The following FARP2 variants were observed in gnomAD, a reference collection of about 807,000 sequenced individuals.
FARP2 encodes FERM, ARH/RhoGEF and pleckstrin domain protein 2.
In FARP2, 111 loss-of-function variants were observed where a neutral mutation model predicts 130.5. That is an observed-to-expected ratio of 0.85 (90% CI 0.73 to 1.00). FARP2 has a LOEUF of 1.00. FARP2 is among the 50% of genes least tolerant of loss of function. The probability of loss-of-function intolerance (pLI) is 0.00; values close to 1 mark genes in which losing one functional copy is unlikely to be tolerated. For missense variants in FARP2, 1,385 were observed against 1,346.3 expected, an observed-to-expected ratio of 1.03 and a Z score of -0.45; for synonymous variants, 504 against 516.9, an observed-to-expected ratio of 0.98 and a Z score of 0.34.
rs904789357 is a variant in FARP2, at chr2:241,465,475, G to T, written c.1893+1495G>T. On this transcript the variant is annotated intron_variant, in intron 17 of 26. Coordinates refer to ENST00000264042, the MANE Select transcript of FARP2 (RefSeq NM_014808.4). ...TTTCTTTCAGGTGTTCCAGCTCCAC[G>T]AAGGGCATGTAGCAGGGGTCACAAA... 3 of 1,550,544 alleles carry T rather than the reference G, an allele frequency of 1.9e-6. No individual in the cohort carries two copies. The Admixed American group carries it at 5.9e-5, about 30-fold the overall frequency.
intron 14 of FARP2, 62 bp from the exon 15 acceptor site, chr2:241,462,461 C>A: frequency 8.3e-7 from 1 of 1,207,452 alleles, no homozygotes; most frequent in Non-Finnish European, 1.2e-6. Flanking sequence ...CTTCAGGCTC[C>A]CTGAGCGTGG....
intron 2 of FARP2, 93 bp downstream of exon 2, chr2:241,373,383 ATT>A: frequency 1.2e-6 from 1 of 832,290 alleles, no homozygotes; most frequent in Non-Finnish European, 1.7e-6. Flanking sequence ...GACTTTGCAT[ATT>A]AAGTTGATCA....
intron 13 of FARP2, among the ~76,000 whole-genome samples, chr2:241,450,495 G>C (rs577981293): frequency 6.6e-6 from 1 of 151,440 alleles, no homozygotes. Context: ...GTGAAACCCC[G>C]TCTCTACTAA....
In FARP2 at chr2:241,475,059, A is replaced by T. The variant is rs1476154796; in HGVS notation, c.2132-798A>T. Among the ~76,000 whole-genome samples the T allele has an allele frequency of 6.6e-6, 1 of 152,200 alleles. No individual in the cohort carries two copies. Among genetic ancestry groups the T allele is most frequent in the African/African-American group, 2.4e-5 (1 of 41,434 alleles). On this transcript the variant is annotated intron_variant, in intron 18 of 26. Transcript: ENST00000264042. This position sits in a 1 kb window ranked among gnomAD's most constrained non-coding sequence, Gnocchi z 4.4. Reference sequence around the variant, plus strand: ...CTCTTATCTTTGCTTGAACTATAAGATTAGCATCTGTTCCTGGTTAAAAGA... The same window carrying T: ...CTCTTATCTTTGCTTGAACTATAAGTTTAGCATCTGTTCCTGGTTAAAAGA...
At chr2:241,415,118 G>A (rs1325492962) in intron 7 of FARP2, among the ~76,000 whole-genome samples, 1 of 152,240 alleles carries the variant, frequency 6.6e-6, no homozygotes, top group Non-Finnish European at 1.5e-5. Context: ...ACATGACGGT[G>A]TGGGGCATCT....
chr2:241,398,703 G>T (rs1385727419), intron 2 of FARP2, among the ~76,000 whole-genome samples: 3 of 151,890 alleles, frequency 2.0e-5, no homozygotes, highest in Admixed American at 2.0e-4. Flanking sequence ...CCAAGTAGCT[G>T]GGATTACAGG....
At chr2:241,377,493 C>T (rs2061566071) in intron 2 of FARP2, among the ~76,000 whole-genome samples, 1 of 152,148 alleles carries the variant, frequency 6.6e-6, no homozygotes, top group African/African-American at 2.4e-5. Context: ...AGGCGCCCGC[C>T]ACCGCGCCTG....
chr2:241,366,320 A>G (rs1405992396), intron 1 of FARP2, among the ~76,000 whole-genome samples: 1 of 151,618 alleles, frequency 6.6e-6, no homozygotes, highest in Non-Finnish European at 1.5e-5. Flanking sequence ...GTTGAGAATC[A>G]GTTATCCAGA....
At chr2:241,481,330 C>T (rs1166112961) in intron 19 of FARP2, among the ~76,000 whole-genome samples, 1 of 152,182 alleles carries the variant, frequency 6.6e-6, no homozygotes, top group Non-Finnish European at 1.5e-5. Context: ...GTCACTAGTA[C>T]TTTTTGCTTT....
rs532981810 is a variant in FARP2, at chr2:241,423,907, A to G, written c.771+5798A>G. ...GTAAAGGGTTCAACAAGAAGAGCTA[A>G]TTATCCTAAATATATATGCACCCAA... On this transcript the variant is annotated intron_variant, in intron 8 of 26. Coordinates refer to ENST00000264042, the MANE Select transcript of FARP2 (RefSeq NM_014808.4). 3.9e-5 allele frequency among the ~76,000 whole-genome samples: 6 copies of G among 152,356 alleles called. No individual in the cohort carries two copies. The East Asian group carries it at 1.2e-3, about 29-fold the overall frequency.
In FARP2 at chr2:241,456,884, G is replaced by T. The variant is rs200683482; in HGVS notation, c.1549G>T (p.Gly517Cys). ...PLLSPVLSDA[G>C]GAGMDCEEPR... ...CCTGAGCCCTGTCCTCAGTGATGCT[G>T]GCGGAGCCGGGATGGACTGCGAGGA... The change falls in exon 14 of 27, where the codon GGC (glycine) becomes TGC (cysteine). Residue 517 changes from glycine (G) to cysteine (C), a missense_variant. Coordinates refer to ENST00000264042, the MANE Select transcript of FARP2 (RefSeq NM_014808.4). 33 of 1,609,742 alleles carry T rather than the reference G, an allele frequency of 2.1e-5. No individual in the cohort carries two copies. Among genetic ancestry groups the T allele is most frequent in the Non-Finnish European group, 2.7e-5 (32 of 1,177,882 alleles).
rs768759183 is a variant in FARP2 at position 241,489,961 on chromosome 2, G to A, written c.2422-1G>A. 4 of 1,610,410 alleles carry A rather than the reference G, an allele frequency of 2.5e-6. No individual in the cohort carries two copies. In the South Asian group the frequency reaches 4.4e-5, roughly 18 times the overall value. On this transcript the variant is annotated splice_acceptor_variant, in intron 21 of 26. Coordinates refer to ENST00000264042, the MANE Select transcript of FARP2 (RefSeq NM_014808.4). LOFTEE classifies it high-confidence loss of function. ...ACTTGGACCGTTTCTCCCACCCACA[G>A]GTGGAAGAAAGTGATAACGAGTGGT...
intron 18 of FARP2, among the ~76,000 whole-genome samples, chr2:241,473,559 C>G (rs983698199): frequency 6.6e-6 from 1 of 152,184 alleles, no homozygotes; most frequent in Non-Finnish European, 1.5e-5. Context: ...CAGTCCCTAC[C>G]GAGGTGCAGC....
intron 14 of FARP2, among the ~76,000 whole-genome samples, chr2:241,460,465 A>T: frequency 6.6e-6 from 1 of 150,410 alleles, no homozygotes; most frequent in East Asian, 1.9e-4. Flanking sequence ...TTTTTAAGAG[A>T]CAGGGTCTCA....
chr2:241,474,029 G>C (rs571215473), intron 18 of FARP2, among the ~76,000 whole-genome samples: 1 of 152,050 alleles, frequency 6.6e-6, no homozygotes, highest in Non-Finnish European at 1.5e-5. Flanking sequence ...GCTGCAGGCC[G>C]GGCGCGGTGG....
At chr2:241,409,689 T>C (rs1450878757) in intron 5 of FARP2, among the ~76,000 whole-genome samples, 1 of 152,168 alleles carries the variant, frequency 6.6e-6, no homozygotes, top group Non-Finnish European at 1.5e-5. Context: ...TTTAAAGAAA[T>C]TACAAATGTT....
chr2:241,403,004 T>TGTG (rs1403084747), intron 2 of FARP2, among the ~76,000 whole-genome samples: 5 of 142,106 alleles, frequency 3.5e-5, no homozygotes, highest in Non-Finnish European at 7.5e-5. Flanking sequence ...GTGCTGGGAT[T>TGTG]ACAGGCGTGA....
intron 18 of FARP2, among the ~76,000 whole-genome samples, chr2:241,474,836 T>TAAAG (rs1553734017): frequency 6.8e-6 from 1 of 146,036 alleles, no homozygotes; most frequent in African/African-American, 2.5e-5. Flanking sequence ...AATAAATAAA[T>TAAAG]AAAAAGAAAG....
chr2:241,491,393 C>T, intron 23 of FARP2, 123 bp from the exon 24 acceptor site: 2 of 1,106,980 alleles, frequency 1.8e-6, no homozygotes, highest in Non-Finnish European at 2.6e-6. Context: ...CAGCCAGCAG[C>T]TGGCCTAGCA....
Sources: allele counts gnomAD v4.1 joint callset (sites outside exome capture counted in the v4.1 genomes callset), GRCh38; gene constraint gnomAD v4.1.1; non-coding constraint Gnocchi (gnomAD v3.1); transcripts MANE v1.5; gene names NCBI Gene and HGNC (gene_info 2026-07-23, HGNC 2026-07-21).